Variants in TLCD4 observed in about 807,000 individuals in gnomAD.
The protein encoded by TLCD4 is TLC domain containing 4, also known as TLC domain-containing protein 4.
TLCD4 carries 7 observed loss-of-function variants against 24.2 expected under a neutral mutation model. The observed-to-expected ratio is 0.29, with a 90% CI of 0.16 to 0.54. The LOEUF is 0.54. TLCD4 is among the 20% of genes least tolerant of loss of function. The probability of loss-of-function intolerance (pLI) is 0.95; values close to 1 mark genes in which losing one functional copy is unlikely to be tolerated. For missense variants in TLCD4, 259 were observed against 313.9 expected (o/e 0.82, Z 1.32); for synonymous variants, 103 against 106.4 (o/e 0.97, Z 0.20).
intron 6 of TLCD4, among the ~76,000 whole-genome samples, chr1:95,184,352 CTTT>C (rs11322991): frequency 6.6e-6 from 1 of 150,574 alleles, no homozygotes; most frequent in Non-Finnish European, 1.5e-5. Context: ...TCTTTTCTCA[CTTT>C]TTTTTTTTCT....
At chr1:95,121,983 A>C (rs1317310517) in intron 1 of TLCD4, among the ~76,000 whole-genome samples, 1 of 152,206 alleles carries the variant, frequency 6.6e-6, no homozygotes, top group African/African-American at 2.4e-5. Flanking sequence ...TCTGTAGTTA[A>C]TCTGTAGGCT....
chr1:95,130,837 G>A (rs888423124), intron 1 of TLCD4, among the ~76,000 whole-genome samples: 1 of 152,200 alleles, frequency 6.6e-6, no homozygotes, highest in Non-Finnish European at 1.5e-5. Context: ...GGAGCTTACA[G>A]TAGATAAATA....
At position 95,193,639 on chromosome 1, in the gene TLCD4, C is replaced by T. The variant is rs1041748034; in HGVS notation, c.*1771C>T. 11 of 151,972 alleles carry T rather than the reference C, an allele frequency of 7.2e-5. No individual in the cohort carries two copies. Among genetic ancestry groups the T allele is most frequent in the Non-Finnish European group, 1.3e-4 (9 of 67,926 alleles). The allele number at this position is 151,972 out of a possible 1,614,324, so 9.4% of individuals were successfully genotyped here. On this transcript the variant is annotated 3_prime_UTR_variant, in exon 7 of 7. Coordinates refer to ENST00000370203, the MANE Select transcript of TLCD4 (RefSeq NM_152487.3). Reference sequence around the variant, plus strand: ...AGATAGAGCCTGATAAGTTTTAGAACATTTAAAGAAGATTGAAATCTCAGT... The same window carrying T: ...AGATAGAGCCTGATAAGTTTTAGAATATTTAAAGAAGATTGAAATCTCAGT...
chr1:95,187,011 C>T (rs1049677198), intron 6 of TLCD4, among the ~76,000 whole-genome samples: 4 of 152,176 alleles, frequency 2.6e-5, no homozygotes, highest in African/African-American at 9.7e-5. Context: ...ATATGTTTTA[C>T]TGCCTTTGCA....
chr1:95,104,663 C>CAAAAAAAAAAAATAAAAAAAAAAA, the TLCD4 span, among the ~76,000 whole-genome samples: 1 of 40,620 alleles, frequency 2.5e-5, no homozygotes, highest in Non-Finnish European at 5.4e-5. Flanking sequence ...GACTCCGTCT[C>CAAAAAAAAAAAATAAAAAAAAAAA]AAAAAAAAAA....
intron 1 of TLCD4, among the ~76,000 whole-genome samples, chr1:95,134,671 G>T (rs1257079093): frequency 6.6e-6 from 1 of 152,218 alleles, no homozygotes; most frequent in African/African-American, 2.4e-5. Context: ...GATCTCTGCA[G>T]TGGGCACTGC....
chr1:95,159,115 C>T (rs990248170), intron 5 of TLCD4, among the ~76,000 whole-genome samples: 2 of 152,160 alleles, frequency 1.3e-5, no homozygotes, highest in East Asian at 3.9e-4. Flanking sequence ...CTAGTTTACA[C>T]TCCCACCAAT....
chr1:95,174,529 AAAAAG>A, intron 6 of TLCD4, among the ~76,000 whole-genome samples: 1 of 125,670 alleles, frequency 8.0e-6, no homozygotes, highest in East Asian at 3.3e-4. Flanking sequence ...AAAAAAAAGA[AAAAAG>A]AAAATTAGCT....
At chr1:95,162,716 G>A (rs1265396583) in intron 5 of TLCD4, among the ~76,000 whole-genome samples, 1 of 152,118 alleles carries the variant, frequency 6.6e-6, no homozygotes, top group Non-Finnish European at 1.5e-5. Flanking sequence ...GAATGTCTCA[G>A]CATTTGCTTG....
chr1:95,151,346 A>T lies in TLCD4; in HGVS notation c.326A>T (p.Tyr109Phe). The T allele has an allele frequency of 1.9e-6, 3 of 1,613,158 alleles. No individual in the cohort carries two copies. The highest frequency in any genetic ancestry group is 2.5e-6 in the Non-Finnish European group (3 of 1,179,398). Reference sequence around the variant, plus strand: ...ACAGATTTGTCCATTATAATTTTGTATTGGAAAGTGATTGGTGACAAATTT... The same window carrying T: ...ACAGATTTGTCCATTATAATTTTGTTTTGGAAAGTGATTGGTGACAAATTT... ...LISDLSIIIL[Y>F]WKVIGDKFFI... Residue 109 changes from tyrosine (Y) to phenylalanine (F), a missense_variant, in exon 5 of 7, where the codon TAT (tyrosine) becomes TTT (phenylalanine). Tyr to Phe is a conservative substitution (Grantham distance 22). Transcript: ENST00000370203.
intron 1 of TLCD4, among the ~76,000 whole-genome samples, chr1:95,128,938 C>A (rs538502865): frequency 6.6e-6 from 1 of 152,286 alleles, no homozygotes; most frequent in South Asian, 2.1e-4. Context: ...ACTCAACTGT[C>A]AGATCGGTTT....
At chr1:95,121,246 G>A (rs568384902) in intron 1 of TLCD4, 21 of 152,222 alleles carry the variant, frequency 1.4e-4, no homozygotes, top group Non-Finnish European at 2.9e-4. Flanking sequence ...GAGACAAAAG[G>A]ACCCAGAACA....
upstream of TLCD4, among the ~76,000 whole-genome samples, chr1:95,114,716 G>C (rs1676395710): frequency 6.6e-6 from 1 of 151,922 alleles, no homozygotes; most frequent in Non-Finnish European, 1.5e-5. Context: ...TGTGATCCCA[G>C]GTATTCGGGA....
At chr1:95,131,743 G>A (rs1265781572) in intron 1 of TLCD4, among the ~76,000 whole-genome samples, 1 of 152,204 alleles carries the variant, frequency 6.6e-6, no homozygotes, top group African/African-American at 2.4e-5. Flanking sequence ...GTTATCAAGG[G>A]TGACTCCTGG....
chr1:95,150,792 A>C (rs930738563), intron 4 of TLCD4, among the ~76,000 whole-genome samples: 1 of 151,936 alleles, frequency 6.6e-6, no homozygotes, highest in African/African-American at 2.4e-5. Context: ...TTGTTTTATA[A>C]ATGAGTTGGT....
chr1:95,103,518 T>A, the TLCD4 span, among the ~76,000 whole-genome samples: 1 of 152,184 alleles, frequency 6.6e-6, no homozygotes, highest in African/African-American at 2.4e-5. Context: ...GATGAAGGAA[T>A]AAGAAGGATG....
chr1:95,178,563 C>CTTTTTTTTTT (rs57190787), intron 6 of TLCD4, among the ~76,000 whole-genome samples: 5 of 82,388 alleles, frequency 6.1e-5, no homozygotes, highest in African/African-American at 2.5e-4. Context: ...ATGCCCAGCC[C>CTTTTTTTTTT]TTTTTTTTTT....
At chr1:95,104,904 T>G in the TLCD4 span, among the ~76,000 whole-genome samples, 1 of 151,674 alleles carries the variant, frequency 6.6e-6, no homozygotes, top group African/African-American at 2.4e-5. Flanking sequence ...CGTGTAGTCC[T>G]AGCTACTTGG....
At chr1:95,158,055 T>C (rs1192269519) in intron 5 of TLCD4, among the ~76,000 whole-genome samples, 1 of 152,232 alleles carries the variant, frequency 6.6e-6, no homozygotes, top group East Asian at 1.9e-4. Context: ...AAGAATTTAA[T>C]GTTCATACCT....
Sources: allele counts gnomAD v4.1 joint callset (sites outside exome capture counted in the v4.1 genomes callset), GRCh38; gene constraint gnomAD v4.1.1; transcripts MANE v1.5; gene names NCBI Gene and HGNC (gene_info 2026-07-23, HGNC 2026-07-21).